TAFA5: variants seen among roughly 807,000 people sequenced by gnomAD.
TAFA5 encodes the protein chemokine-like protein TAFA-5.
A neutral mutation model predicts 15.3 loss-of-function variants in TAFA5; 6 were observed. The observed-to-expected ratio is 0.39, with a 90% CI of 0.21 to 0.77. The LOEUF is 0.77. Among genes scored for constraint, TAFA5 ranks in the 30% least tolerant of loss-of-function variants. The pLI is 0.41. For synonymous variants in TAFA5, 103 were observed against 80.7 expected (o/e 1.28, Z -1.48); for missense variants, 161 against 193.1 (o/e 0.83, Z 0.98).
chr22:48,645,345 G>A (rs988906960), intron 1 of TAFA5, among the ~76,000 whole-genome samples: 3 of 152,174 alleles, frequency 2.0e-5, no homozygotes, highest in African/African-American at 7.2e-5. Flanking sequence ...CGTTTTACCA[G>A]CAGAGTGGTA....
intron 1 of TAFA5, among the ~76,000 whole-genome samples, chr22:48,500,484 G>A (rs989224338): frequency 3.9e-5 from 6 of 152,242 alleles, no homozygotes; most frequent in East Asian, 1.9e-4. Context: ...GTGACCAGGT[G>A]TCCCTGAGCA....
At chr22:48,623,227 C>G (rs113648191) in intron 1 of TAFA5, among the ~76,000 whole-genome samples, 3,059 of 149,198 alleles carry the variant, frequency 0.021, 140 homozygotes, top group African/African-American at 0.075. Context: ...GCGCGGTGAC[C>G]TGTGGGACGG....
In TAFA5 at chr22:48,530,970, C is replaced by T. The variant is rs1165526742; in HGVS notation, c.112+41266C>T. 6.6e-6 allele frequency among the ~76,000 whole-genome samples: 1 copy of T among 152,188 alleles called. No homozygotes were observed. Among genetic ancestry groups the T allele is most frequent in the Non-Finnish European group, 1.5e-5 (1 of 68,032 alleles). Reference sequence around the variant, plus strand: ...GTGCAAAGTGGTGCCCCTGCCCGCCCCGACCCCAGCCTTGTTAGGGGACTG... The same window carrying T: ...GTGCAAAGTGGTGCCCCTGCCCGCCTCGACCCCAGCCTTGTTAGGGGACTG... On this transcript the variant is annotated intron_variant, in intron 1 of 3. Transcript: ENST00000402357. This position sits in a 1 kb window ranked among gnomAD's most constrained non-coding sequence, Gnocchi z 6.0.
At chr22:48,601,416 TC>T (rs1924968991) in intron 1 of TAFA5, among the ~76,000 whole-genome samples, 1 of 152,192 alleles carries the variant, frequency 6.6e-6, no homozygotes. Flanking sequence ...AACCTCTGCC[TC>T]CCAGGCTCAA....
intron 2 of TAFA5, among the ~76,000 whole-genome samples, chr22:48,664,125 G>A (rs1222459072): frequency 6.6e-6 from 1 of 152,202 alleles, no homozygotes; most frequent in African/African-American, 2.4e-5. Flanking sequence ...TAGTTAAGAT[G>A]GAAAAGGCGT....
chr22:48,559,050 G>T (rs1326404365), intron 1 of TAFA5, among the ~76,000 whole-genome samples: 1 of 152,206 alleles, frequency 6.6e-6, no homozygotes, highest in Non-Finnish European at 1.5e-5. Flanking sequence ...TTAGGAAAGA[G>T]GCGTGAGGGA....
At chr22:48,584,339 C>G (rs1924242498) in intron 1 of TAFA5, among the ~76,000 whole-genome samples, 1 of 149,208 alleles carries the variant, frequency 6.7e-6, no homozygotes, top group African/African-American at 2.5e-5. Flanking sequence ...ACAGATATCA[C>G]ACACACCACA....
At chr22:48,729,320 T>TTTTATATTTATTTATAAATATATAA (rs1569096850) in intron 3 of TAFA5, among the ~76,000 whole-genome samples, 4 of 83,958 alleles carry the variant, frequency 4.8e-5, no homozygotes. Context: ...ATATATAATA[T>TTTTATATTTATTTATAAATATATAA]TTTTATATTT....
intron 1 of TAFA5, among the ~76,000 whole-genome samples, chr22:48,508,067 A>G (rs1921069427): frequency 6.6e-6 from 1 of 152,174 alleles, no homozygotes. Context: ...GCCCGCTTGC[A>G]GAGAGGGGTT....
intron 1 of TAFA5, among the ~76,000 whole-genome samples, chr22:48,643,665 T>C (rs1926764160): frequency 6.6e-6 from 1 of 152,204 alleles, no homozygotes; most frequent in African/African-American, 2.4e-5. Context: ...GCAGCAGGGC[T>C]AGCAGGCTTT....
chr22:48,713,569 C>T (rs1240165543), intron 3 of TAFA5, among the ~76,000 whole-genome samples: 2 of 152,228 alleles, frequency 1.3e-5, no homozygotes, highest in Non-Finnish European at 2.9e-5. Context: ...ATTCACGCCA[C>T]CTACAAGCCC....
chr22:48,509,908 G>A (rs12166187), intron 1 of TAFA5, among the ~76,000 whole-genome samples: 4,054 of 148,270 alleles, frequency 0.027, 162 homozygotes, highest in African/African-American at 0.093. Context: ...CTGAGATCAC[G>A]CCACTGCACT....
intron 3 of TAFA5, among the ~76,000 whole-genome samples, chr22:48,747,136 C>T (rs1363483344): frequency 2.0e-5 from 3 of 152,210 alleles, no homozygotes; most frequent in Admixed American, 6.5e-5. Context: ...TGCCCTAATG[C>T]ACTTTGCTGC....
chr22:48,623,916 T>A (rs1356948377), intron 1 of TAFA5, among the ~76,000 whole-genome samples: 2 of 152,248 alleles, frequency 1.3e-5, no homozygotes, highest in African/African-American at 4.8e-5. Flanking sequence ...TTAACATTCA[T>A]ATACACGTTT....
rs189868168 is a variant in TAFA5 at position 48,732,502 on chromosome 22, C to T, written c.391-17337C>T. Among the ~76,000 whole-genome samples, 617 of 152,222 alleles carry T rather than the reference C, an allele frequency of 4.1e-3. 3 individuals are homozygous for T. Among genetic ancestry groups the T allele is most frequent in the African/African-American group, 0.013 (557 of 41,530 alleles). On this transcript the variant is annotated intron_variant, in intron 3 of 3. Coordinates refer to ENST00000402357, the MANE Select transcript of TAFA5 (RefSeq NM_001082967.3). Reference sequence around the variant, plus strand: ...CGATCTCCTAACCTCATAATCCACCCGCCTCAGCCTCCCAAAGTGCTGGAT... The same window carrying T: ...CGATCTCCTAACCTCATAATCCACCTGCCTCAGCCTCCCAAAGTGCTGGAT...
chr22:48,740,835 CAG>C (rs967139943), intron 3 of TAFA5, among the ~76,000 whole-genome samples: 4 of 152,168 alleles, frequency 2.6e-5, no homozygotes, highest in Non-Finnish European at 5.9e-5. Context: ...GCCCTGTTCT[CAG>C]GGGAGCTCAG....
At chr22:48,666,198 G>A (rs11913043) in intron 2 of TAFA5, among the ~76,000 whole-genome samples, 47,821 of 151,930 alleles carry the variant, frequency 0.31, 7,823 homozygotes, top group East Asian at 0.58. Context: ...AAATATGATC[G>A]CAGCCAGGAG....
intron 1 of TAFA5, among the ~76,000 whole-genome samples, chr22:48,589,011 C>T (rs1015576656): frequency 5.9e-5 from 9 of 152,220 alleles, no homozygotes; most frequent in Non-Finnish European, 1.3e-4. Context: ...CCTTCTGATT[C>T]GCTTCACCGA....
chr22:48,664,443 G>A (rs557146750), intron 2 of TAFA5, among the ~76,000 whole-genome samples: 1 of 152,314 alleles, frequency 6.6e-6, no homozygotes, highest in East Asian at 1.9e-4. Context: ...AAATATGCGT[G>A]TAGACATATT....
Sources: allele counts gnomAD v4.1 joint callset (sites outside exome capture counted in the v4.1 genomes callset), GRCh38; gene constraint gnomAD v4.1.1; non-coding constraint Gnocchi (gnomAD v3.1); transcripts MANE v1.5; gene names NCBI Gene and HGNC (gene_info 2026-07-23, HGNC 2026-07-21).